Variants in PYGB observed in about 807,000 individuals in gnomAD.
PYGB encodes the protein glycogen phosphorylase B.
Under a neutral mutation model 94.3 loss-of-function variants are expected in PYGB, and 82 were observed. That is an observed-to-expected ratio of 0.87 (90% CI 0.73 to 1.04). The LOEUF is 1.04. PYGB is among the 50% of genes least tolerant of loss of function. The probability of loss-of-function intolerance (pLI) is 0.00; values close to 1 mark genes in which losing one functional copy is unlikely to be tolerated. For synonymous variants in PYGB, 488 were observed against 479.1 expected, an observed-to-expected ratio of 1.02 and a Z score of -0.24; for missense variants, 1,132 against 1,158.2, an observed-to-expected ratio of 0.98 and a Z score of 0.33.
chr20:25,264,223 A>G (rs564882762), intron 2 of PYGB, among the ~76,000 whole-genome samples: 45 of 152,240 alleles, frequency 3.0e-4, no homozygotes, highest in Non-Finnish European at 5.3e-4. Flanking sequence ...ACAAAATTCA[A>G]CAGCACTTCA....
intron 2 of PYGB, among the ~76,000 whole-genome samples, chr20:25,261,935 G>C (rs941634389): frequency 6.6e-6 from 1 of 152,168 alleles, no homozygotes; most frequent in African/African-American, 2.4e-5. Context: ...AGAGAAAACA[G>C]AGTAAAAAGA....
At chr20:25,259,476 C>T (rs1902948360) in intron 2 of PYGB, 138 bp downstream of exon 2, 3 of 648,090 alleles carry the variant, frequency 4.6e-6, no homozygotes, top group Non-Finnish European at 5.2e-6. Context: ...CCTGTTCTCC[C>T]CTCCTGGAAG....
Position 25,248,243 on chromosome 20 carries a change from T to TAGGCGACGTGGCC in PYGB, c.66_78dup (p.Glu27ArgfsTer89). On this transcript the variant is annotated frameshift_variant, in exon 1 of 20. Transcript: ENST00000216962. LOFTEE classifies it high-confidence loss of function. ...ATCAGCGTGCGCGGCCTGGCGGGGC[T>TAGGCGACGTGGCC]AGGCGACGTGGCCGAGGTGCGGAAG... 1.3e-6 allele frequency: 2 copies of TAGGCGACGTGGCC among 1,598,102 alleles called. No individual in the cohort carries two copies.
At position 25,284,091 on chromosome 20, in the gene PYGB, T is replaced by C; in HGVS notation, c.1621-13T>C. On this transcript the variant is annotated splice_polypyrimidine_tract_variant and intron_variant, in intron 13 of 19. Coordinates refer to ENST00000216962, the MANE Select transcript of PYGB (RefSeq NM_002862.4). Reference sequence around the variant, plus strand: ...GTGAAGTCTCCAGCCATCTTTCCCTTTCACCCTCCCAGGAGAACAAGCTCA... The same window carrying C: ...GTGAAGTCTCCAGCCATCTTTCCCTCTCACCCTCCCAGGAGAACAAGCTCA... 6.2e-7 allele frequency: 1 copy of C among 1,612,700 alleles called. No individual in the cohort carries two copies. The highest frequency in any genetic ancestry group is 1.1e-5 in the South Asian group (1 of 90,900).
Position 25,297,821 on chromosome 20 carries a change from T to G in PYGB, c.*1299T>G, listed in dbSNP as rs1453075362. On this transcript the variant is annotated 3_prime_UTR_variant, in exon 20 of 20. Coordinates refer to ENST00000216962, the MANE Select transcript of PYGB (RefSeq NM_002862.4). ...ACAGCCCACCAGAGCACTACAGCCT[T>G]TTATTGAGTGGGGCAAGTGCTGGGC... 1 of 128,612 alleles carries G rather than the reference T, an allele frequency of 7.8e-6. No homozygotes were observed. Among genetic ancestry groups the G allele is most frequent in the South Asian group, 2.6e-4 (1 of 3,882 alleles). 8.0% of individuals were successfully genotyped at this position (128,612 alleles called of 1,614,324 possible).
chr20:25,281,123 C>T lies in PYGB; in HGVS notation c.1403+11C>T, dbSNP rs748337673. 3.1e-5 allele frequency: 50 copies of T among 1,613,710 alleles called. No homozygotes were observed. Among genetic ancestry groups the T allele is most frequent in the Non-Finnish European group, 3.8e-5 (45 of 1,179,742 alleles). ...CGTGAAACAGTCGGTGTGAGTGGGG[C>T]GCTTGCCCGAGCGGGGCCAGCTCTG... On this transcript the variant is annotated intron_variant, in intron 11 of 19. Transcript: ENST00000216962.
At chr20:25,278,599 G>GC in intron 8 of PYGB, 137 bp downstream of exon 8, 1 of 1,272,866 alleles carries the variant, frequency 7.9e-7, no homozygotes, top group Non-Finnish European at 1.1e-6. Flanking sequence ...GTCATTCTGG[G>GC]CCAGGATCCC....
Position 25,279,040 on chromosome 20 carries a change from C to A in PYGB, c.1000-17C>A. On this transcript the variant is annotated splice_polypyrimidine_tract_variant and intron_variant, in intron 8 of 19. Transcript: ENST00000216962. The stretch of plus-strand genomic sequence containing the variant: ...TGGGATGAAATGACTGAATGGCACC[C>A]CTTGTGCGACCTTCAGGTGGCCATC... 1 of 1,604,050 alleles carries A rather than the reference C, an allele frequency of 6.2e-7. No homozygotes were observed. Among genetic ancestry groups the A allele is most frequent in the East Asian group, 2.2e-5 (1 of 44,526 alleles).
chr20:25,271,158 C>T (rs1221269672), intron 3 of PYGB, among the ~76,000 whole-genome samples: 1 of 151,532 alleles, frequency 6.6e-6, no homozygotes, highest in Admixed American at 6.6e-5. Flanking sequence ...GATTCTTCAT[C>T]CCCCCCCATC....
chr20:25,278,985 T>C, intron 8 of PYGB, 72 bp from the exon 9 acceptor site: 1 of 1,456,176 alleles, frequency 6.9e-7, no homozygotes, highest in Non-Finnish European at 9.4e-7. Flanking sequence ...CTTGGGGAGC[T>C]TCGTATGCCA....
At chr20:25,267,615 C>T (rs1238304078) in intron 2 of PYGB, among the ~76,000 whole-genome samples, 2 of 152,178 alleles carry the variant, frequency 1.3e-5, no homozygotes, top group Non-Finnish European at 2.9e-5. Context: ...ACTGTAGCCT[C>T]AACCTCCCGG....
rs745519628 is a variant in PYGB at position 25,296,539 on chromosome 20, C to T, written c.*17C>T. ...CGGGACTAGGCACACCCTGCCTTGG[C>T]GGGACCAGCGGGCATTTGTTTTCTT... On this transcript the variant is annotated 3_prime_UTR_variant, in exon 20 of 20. Transcript: ENST00000216962. 25 of 1,596,000 alleles carry T rather than the reference C, an allele frequency of 1.6e-5. No homozygotes were observed. Among genetic ancestry groups the T allele is most frequent in the Admixed American group, 5.2e-5 (3 of 57,596 alleles).
chr20:25,295,124 C>G (rs1887708207), intron 18 of PYGB: 1 of 1,328,276 alleles, frequency 7.5e-7, no homozygotes. Context: ...TTTGTAGATT[C>G]ATAAATCTGG....
intron 1 of PYGB, among the ~76,000 whole-genome samples, chr20:25,250,157 C>T (rs1171789933): frequency 6.6e-6 from 1 of 152,210 alleles, no homozygotes; most frequent in Non-Finnish European, 1.5e-5. Flanking sequence ...CCCGCAACAT[C>T]ATTTTTATTG....
At chr20:25,277,157 C>T in intron 6 of PYGB, 87 bp from the exon 7 acceptor site, 1 of 1,079,130 alleles carries the variant, frequency 9.3e-7, no homozygotes, top group Non-Finnish European at 1.4e-6. Flanking sequence ...AGCGAGTTTC[C>T]TTGGCCTTTG....
intron 3 of PYGB, among the ~76,000 whole-genome samples, chr20:25,269,780 G>A (rs2088249850): frequency 6.6e-6 from 1 of 152,138 alleles, no homozygotes; most frequent in South Asian, 2.1e-4. Flanking sequence ...CCCCAGGGGT[G>A]GCCATTCACC....
At chr20:25,289,656 A>G (rs1342836448) in intron 15 of PYGB, among the ~76,000 whole-genome samples, 1 of 142,514 alleles carries the variant, frequency 7.0e-6, no homozygotes, top group Admixed American at 6.8e-5. Flanking sequence ...CAAAAAAAAG[A>G]AAAAAAAAAG....
chr20:25,279,218 G>A lies in PYGB; in HGVS notation c.1092+69G>A, dbSNP rs866974448. Reference sequence around the variant, plus strand: ...CCCGTGCAGACCAGGGCTACAAGGAGCTGAGCTGGGGGGCCTCTTCCCTGG... The same window carrying A: ...CCCGTGCAGACCAGGGCTACAAGGAACTGAGCTGGGGGGCCTCTTCCCTGG... On this transcript the variant is annotated intron_variant, in intron 9 of 19. Coordinates refer to ENST00000216962, the MANE Select transcript of PYGB (RefSeq NM_002862.4). 1.4e-4 allele frequency: 208 copies of A among 1,497,336 alleles called. No homozygotes were observed. The African/African-American group carries it at 2.4e-3, about 17-fold the overall frequency. 92.8% of individuals were successfully genotyped at this position (1,497,336 alleles called of 1,614,324 possible).
intron 2 of PYGB, among the ~76,000 whole-genome samples, chr20:25,266,451 A>G (rs940678297): frequency 6.6e-6 from 1 of 152,206 alleles, no homozygotes; most frequent in African/African-American, 2.4e-5. Context: ...ACTTTTAGAA[A>G]AATATATAGG....
Sources: gnomAD v4.1 joint callset for allele counts (sites outside exome capture counted in the v4.1 genomes callset) on GRCh38, gnomAD v4.1.1 for gene constraint, MANE v1.5 for transcripts, NCBI Gene and HGNC (gene_info 2026-07-23, HGNC 2026-07-21) for gene names.